The following NDUFAF6 variants were observed in gnomAD, a reference collection of about 807,000 sequenced individuals.
NDUFAF6 encodes NADH dehydrogenase (ubiquinone) complex I, assembly factor 6.
NDUFAF6 carries 45 observed loss-of-function variants against 40.8 expected under a neutral mutation model. The observed-to-expected ratio is 1.10, with a 90% CI of 0.87 to 1.42. The LOEUF is 1.42. Among genes scored for constraint, NDUFAF6 ranks in the 40% most tolerant of loss-of-function variants. The probability of loss-of-function intolerance (pLI) is 0.00; values close to 1 mark genes in which losing one functional copy is unlikely to be tolerated. For missense variants in NDUFAF6, 435 were observed against 418.5 expected, an observed-to-expected ratio of 1.04 and a Z score of -0.34; for synonymous variants, 185 against 155.9, an observed-to-expected ratio of 1.19 and a Z score of -1.39.
intron 1 of NDUFAF6, chr8:94,928,946 G>C (rs1230419520): frequency 2.0e-5 from 3 of 152,660 alleles, no homozygotes; most frequent in Non-Finnish European, 4.4e-5. Flanking sequence ...CAACACTTCT[G>C]TCAGTAGAAT....
intron 9 of NDUFAF6, among the ~76,000 whole-genome samples, chr8:95,065,741 G>A (rs1832687407): frequency 6.6e-6 from 1 of 152,124 alleles, no homozygotes; most frequent in African/African-American, 2.4e-5. Context: ...ACCTTTGCTA[G>A]TATTGATAAG....
chr8:95,026,152 G>A (rs933711471), intron 1 of NDUFAF6, among the ~76,000 whole-genome samples: 11 of 152,040 alleles, frequency 7.2e-5, no homozygotes, highest in African/African-American at 2.7e-4. Flanking sequence ...ATGCATTTCA[G>A]TGTTTTGTTT....
intron 1 of NDUFAF6, among the ~76,000 whole-genome samples, chr8:94,914,996 G>A (rs1293476300): frequency 6.6e-6 from 1 of 152,058 alleles, no homozygotes; most frequent in Non-Finnish European, 1.5e-5. Flanking sequence ...CTGAGGTTTG[G>A]GCTTTGATTG....
At chr8:95,010,931 G>T (rs1352174603) in intron 2 of NDUFAF6, among the ~76,000 whole-genome samples, 1 of 152,232 alleles carries the variant, frequency 6.6e-6, no homozygotes, top group Non-Finnish European at 1.5e-5. Flanking sequence ...ACTTGATGAA[G>T]ACTCTGGCAA....
chr8:94,966,151 C>A (rs939542004), intron 1 of NDUFAF6, among the ~76,000 whole-genome samples: 1 of 151,970 alleles, frequency 6.6e-6, no homozygotes, highest in Non-Finnish European at 1.5e-5. Context: ...GTTTGTAAGT[C>A]CTTATAAAGG....
At chr8:94,967,030 A>G (rs535987284) in intron 1 of NDUFAF6, among the ~76,000 whole-genome samples, 1 of 152,194 alleles carries the variant, frequency 6.6e-6, no homozygotes, top group Admixed American at 6.5e-5. Flanking sequence ...AAAGGAATGG[A>G]AATTGGATAG....
rs1412524275 is a variant in NDUFAF6 at position 95,052,249 on chromosome 8, A to G, written c.873+19A>G. 2.5e-6 allele frequency: 4 copies of G among 1,610,488 alleles called. No individual in the cohort carries two copies. Among genetic ancestry groups the G allele is most frequent in the African/African-American group, 2.7e-5 (2 of 74,962 alleles). On this transcript the variant is annotated intron_variant, in intron 8 of 8. Transcript: ENST00000396124. Reference sequence around the variant, plus strand: ...TCAGACGGTAAGTAGATTAACAGAGAAGGCTGTATAATTAGTGAAGCAGAT... The same window carrying G: ...TCAGACGGTAAGTAGATTAACAGAGGAGGCTGTATAATTAGTGAAGCAGAT...
chr8:94,960,902 C>G (rs1443616227), intron 1 of NDUFAF6, among the ~76,000 whole-genome samples: 1 of 152,152 alleles, frequency 6.6e-6, no homozygotes, highest in Non-Finnish European at 1.5e-5. Flanking sequence ...GCACTCTGCC[C>G]AACACGTCAG....
At chr8:94,941,619 C>T (rs1821542952) in intron 1 of NDUFAF6, among the ~76,000 whole-genome samples, 1 of 152,246 alleles carries the variant, frequency 6.6e-6, no homozygotes, top group African/African-American at 2.4e-5. Flanking sequence ...ACAATTCCTA[C>T]AGCTGGCATG....
chr8:94,900,831 C>T (rs539206100), intron 1 of NDUFAF6, among the ~76,000 whole-genome samples: 5 of 152,044 alleles, frequency 3.3e-5, no homozygotes, highest in Admixed American at 6.6e-5. Context: ...ACTGCAGGGG[C>T]GGGGAGTGAT....
At chr8:94,899,998 C>T (rs56225123) in intron 1 of NDUFAF6, among the ~76,000 whole-genome samples, 8 of 152,214 alleles carry the variant, frequency 5.3e-5, no homozygotes, top group African/African-American at 1.2e-4. Flanking sequence ...TTCTCCCCAC[C>T]TCCATTGCCT....
At chr8:95,093,587 C>T (rs1809340417) in intron 2 of NDUFAF6, among the ~76,000 whole-genome samples, 1 of 152,102 alleles carries the variant, frequency 6.6e-6, no homozygotes, top group Non-Finnish European at 1.5e-5. Flanking sequence ...TTTATCAGAC[C>T]ACTCCCTGTC....
At chr8:94,956,980 G>A (rs1823134682), upstream of NDUFAF6, among the ~76,000 whole-genome samples, 1 of 152,122 alleles carries the variant, frequency 6.6e-6, no homozygotes, top group Non-Finnish European at 1.5e-5. Context: ...AGACCAGCCT[G>A]GCCAATGTGG....
At chr8:94,941,015 C>T in intron 1 of NDUFAF6, 2 of 1,102,146 alleles carry the variant, frequency 1.8e-6, no homozygotes, top group South Asian at 1.3e-5. Context: ...TTTAGTTGGC[C>T]CAATGGTACC....
intron 9 of NDUFAF6, among the ~76,000 whole-genome samples, chr8:95,066,580 A>G (rs1832710169): frequency 6.6e-6 from 1 of 152,132 alleles, no homozygotes; most frequent in Admixed American, 6.5e-5. Context: ...GTCTAGGAAA[A>G]TCAAATTTCA....
downstream of NDUFAF6, chr8:95,058,782 C>G (rs1832482600): frequency 2.0e-6 from 2 of 986,476 alleles, no homozygotes; most frequent in Non-Finnish European, 2.4e-6. Context: ...CATCAGTGTT[C>G]TCATTTGGTT....
chr8:95,098,593 C>T (rs190789678), upstream of NDUFAF6, among the ~76,000 whole-genome samples: 1 of 152,334 alleles, frequency 6.6e-6, no homozygotes, highest in East Asian at 1.9e-4. Flanking sequence ...TTGCTTTAAC[C>T]TGGGAGGCGG....
intron 1 of NDUFAF6, among the ~76,000 whole-genome samples, chr8:94,925,044 A>G (rs1171398363): frequency 6.6e-6 from 1 of 152,180 alleles, no homozygotes; most frequent in Non-Finnish European, 1.5e-5. Flanking sequence ...TGCCCAGCCC[A>G]AAGTGGGGCT....
chr8:94,937,399 C>G (rs1390264225), intron 1 of NDUFAF6, among the ~76,000 whole-genome samples: 1 of 150,656 alleles, frequency 6.6e-6, no homozygotes, highest in Non-Finnish European at 1.5e-5. Context: ...CAAGATCCTG[C>G]CACTGCACTC....
Sources: allele counts gnomAD v4.1 joint callset (sites outside exome capture counted in the v4.1 genomes callset), GRCh38; gene constraint gnomAD v4.1.1; transcripts MANE v1.5; gene names NCBI Gene and HGNC (gene_info 2026-07-23, HGNC 2026-07-21).